The following SVIL variants were observed in gnomAD, a reference collection of about 807,000 sequenced individuals.
SVIL encodes archvillin.
In SVIL, 101 loss-of-function variants were observed where a neutral mutation model predicts 240.4. The observed-to-expected ratio is 0.42, with a 90% CI of 0.36 to 0.50. The LOEUF is 0.50. Among genes scored for constraint, SVIL ranks in the 20% least tolerant of loss-of-function variants. The pLI is 0.01. For missense variants in SVIL, 2,512 were observed against 2,818.7 expected (o/e 0.89, Z 2.46); for synonymous variants, 999 against 1,100.0 (o/e 0.91, Z 1.82).
intron 3 of SVIL, among the ~76,000 whole-genome samples, chr10:29,652,435 T>C (rs1310842959): frequency 6.6e-6 from 1 of 152,230 alleles, no homozygotes; most frequent in Non-Finnish European, 1.5e-5. Flanking sequence ...CCACATTTTA[T>C]TTGTCTCTTC....
chr10:29,527,712 A>C (rs939139837), intron 12 of SVIL, among the ~76,000 whole-genome samples: 2 of 136,560 alleles, frequency 1.5e-5, no homozygotes, highest in African/African-American at 5.5e-5. Flanking sequence ...GGTGTAAGCC[A>C]CTGGGCCCAG....
At chr10:29,647,325 CTTTTTCTTT>C (rs1958692593) in intron 3 of SVIL, 2 of 151,966 alleles carry the variant, frequency 1.3e-5, no homozygotes, top group Non-Finnish European at 1.5e-5. Context: ...TTCTTGCTTT[CTTTTTCTTT>C]TTTTTCTTTT....
intron 1 of SVIL, among the ~76,000 whole-genome samples, chr10:29,622,534 CG>C: frequency 1.3e-5 from 2 of 152,224 alleles, no homozygotes; most frequent in Middle Eastern, 6.8e-3. Context: ...TGGCACAGTT[CG>C]CTGGGTAATC....
intron 2 of SVIL, among the ~76,000 whole-genome samples, chr10:29,680,047 T>C (rs903302262): frequency 1.3e-5 from 2 of 151,954 alleles, no homozygotes; most frequent in Non-Finnish European, 2.9e-5. Flanking sequence ...TTACCCGGCA[T>C]AGTTGCATGT....
intron 1 of SVIL, among the ~76,000 whole-genome samples, chr10:29,573,470 CTATTT>C (rs1955540971): frequency 6.6e-6 from 1 of 152,052 alleles, no homozygotes; most frequent in African/African-American, 2.4e-5. Context: ...AGAAAAATCT[CTATTT>C]TATGTTCATA....
At chr10:29,533,569 T>A in intron 7 of SVIL, 111 bp from the exon 8 acceptor site, 1 of 1,442,920 alleles carries the variant, frequency 6.9e-7, no homozygotes, top group Non-Finnish European at 9.1e-7. Flanking sequence ...TGAGAGAGAA[T>A]AACTTGTGAA....
chr10:29,639,038 T>C (rs1273142160), upstream of SVIL, among the ~76,000 whole-genome samples: 1 of 152,340 alleles, frequency 6.6e-6, no homozygotes, highest in Non-Finnish European at 1.5e-5. Flanking sequence ...TATGTGATCC[T>C]CCTGCCTCAG....
At chr10:29,564,291 AGAG>A (rs1451562374) in intron 2 of SVIL, among the ~76,000 whole-genome samples, 2 of 152,212 alleles carry the variant, frequency 1.3e-5, no homozygotes, top group Non-Finnish European at 2.9e-5. Flanking sequence ...TTTGACAAGA[AGAG>A]GAGATGAGAT....
chr10:29,474,068 C>G lies in SVIL; in HGVS notation c.5378-79G>C, dbSNP rs932794. 573,562 of 1,545,328 alleles carry G rather than the reference C, an allele frequency of 0.37. 108,569 individuals are homozygous for G. Among genetic ancestry groups the G allele is most frequent in the East Asian group, 0.54 (22,645 of 42,292 alleles). Reference sequence around the variant, plus strand: ...AAGCAAATGTCTGGCTCACTTTCCCCGGGCCTGCAAGGACCAGTGGCAAAG... The same window carrying G: ...AAGCAAATGTCTGGCTCACTTTCCCGGGGCCTGCAAGGACCAGTGGCAAAG... On this transcript the variant is annotated intron_variant, in intron 29 of 37. Coordinates refer to ENST00000355867, the MANE Select transcript of SVIL (RefSeq NM_021738.3).
chr10:29,593,150 CT>C (rs1447188216), intron 1 of SVIL, among the ~76,000 whole-genome samples: 1 of 150,872 alleles, frequency 6.6e-6, no homozygotes, highest in African/African-American at 2.4e-5. Flanking sequence ...TTAGAGAATA[CT>C]TGTTGAAAAA....
At chr10:29,729,658 ACCCCATCTCTACT>A in intron 1 of SVIL, among the ~76,000 whole-genome samples, 1 of 82,242 alleles carries the variant, frequency 1.2e-5, no homozygotes, top group African/African-American at 6.3e-5. Flanking sequence ...ACATAGTGAA[ACCCCATCTCTACT>A]AAAAACACAA....
At chr10:29,582,712 A>T (rs1185458051) in intron 1 of SVIL, among the ~76,000 whole-genome samples, 1 of 149,930 alleles carries the variant, frequency 6.7e-6, no homozygotes, top group Non-Finnish European at 1.5e-5. Context: ...AGCCTGGGTG[A>T]CAGAGTGAGA....
intron 2 of SVIL, among the ~76,000 whole-genome samples, chr10:29,683,651 C>T (rs1281975788): frequency 6.6e-6 from 1 of 152,230 alleles, no homozygotes; most frequent in Non-Finnish European, 1.5e-5. Context: ...TCCCTCCCAA[C>T]CTAGCAAAAC....
At chr10:29,525,614 G>T (rs1246040259) in intron 13 of SVIL, among the ~76,000 whole-genome samples, 1 of 151,978 alleles carries the variant, frequency 6.6e-6, no homozygotes, top group Non-Finnish European at 1.5e-5. Context: ...ATAAATGAAT[G>T]AATACATAAA....
At chr10:29,686,178 T>C (rs1961054314) in intron 2 of SVIL, among the ~76,000 whole-genome samples, 1 of 152,176 alleles carries the variant, frequency 6.6e-6, no homozygotes, top group Non-Finnish European at 1.5e-5. Flanking sequence ...AAGGAACCTG[T>C]GATTAAAATG....
At chr10:29,471,483 G>C (rs1325964730) in intron 30 of SVIL, among the ~76,000 whole-genome samples, 1 of 152,166 alleles carries the variant, frequency 6.6e-6, no homozygotes, top group Non-Finnish European at 1.5e-5. Flanking sequence ...TTATATTGAT[G>C]TACAGCCTCA....
chr10:29,464,306 C>T (rs1344301129), intron 34 of SVIL, among the ~76,000 whole-genome samples: 1 of 151,996 alleles, frequency 6.6e-6, no homozygotes, highest in Non-Finnish European at 1.5e-5. Context: ...AGGCATGGTG[C>T]TGCATGCATG....
intron 16 of SVIL, among the ~76,000 whole-genome samples, chr10:29,519,809 G>A (rs556969660): frequency 1.3e-5 from 2 of 152,278 alleles, no homozygotes; most frequent in African/African-American, 2.4e-5. Flanking sequence ...CTGGGCTCAG[G>A]GATCTCTTGG....
chr10:29,500,018 C>T lies in SVIL; in HGVS notation c.3517-755G>A, dbSNP rs569447526. On this transcript the variant is annotated intron_variant, in intron 17 of 37. Coordinates refer to ENST00000355867, the MANE Select transcript of SVIL (RefSeq NM_021738.3). ...CCATTGATGATGCTCATTAGGCTTG[C>T]GGTTGGGGATGTGGCAGGAGGGGAA... 3.5e-3 allele frequency among the ~76,000 whole-genome samples: 530 copies of T among 152,036 alleles called. 2 individuals are homozygous for T. The highest frequency in any genetic ancestry group is 0.011 in the African/African-American group (465 of 41,446).
Sources: allele counts gnomAD v4.1 joint callset (sites outside exome capture counted in the v4.1 genomes callset), GRCh38; gene constraint gnomAD v4.1.1; transcripts MANE v1.5; gene names NCBI Gene and HGNC (gene_info 2026-07-23, HGNC 2026-07-21).